The following EML4 variants were observed in gnomAD, a reference collection of about 807,000 sequenced individuals.
The protein encoded by EML4 is echinoderm microtubule-associated protein-like 4.
EML4 carries 72 observed loss-of-function variants against 129.0 expected under a neutral mutation model. That is an observed-to-expected ratio of 0.56 (90% CI 0.46 to 0.68). The LOEUF is 0.68. Among genes scored for constraint, EML4 ranks in the 30% least tolerant of loss-of-function variants. EML4 has a pLI of 0.00. For missense variants in EML4, 1,363 were observed against 1,190.6 expected, an observed-to-expected ratio of 1.14 and a Z score of -2.13; for synonymous variants, 532 against 405.0, an observed-to-expected ratio of 1.31 and a Z score of -3.77.
At chr2:42,322,616 C>T (rs1353023950) in intron 19 of EML4, among the ~76,000 whole-genome samples, 4 of 152,192 alleles carry the variant, frequency 2.6e-5, no homozygotes, top group Admixed American at 1.3e-4. Flanking sequence ...TTTGTGGTAA[C>T]GCCATATGGC....
chr2:42,317,473 C>T lies in EML4; in HGVS notation c.2103C>T (p.Leu701=). 6.2e-7 allele frequency: 1 copy of T among 1,613,004 alleles called. No homozygotes were observed. The highest frequency in any genetic ancestry group is 8.5e-7 in the Non-Finnish European group (1 of 1,179,368). ...GATCTCATGACAACTTTATTTACCT[C>T]TATGTAGTCTCTGAAAATGGAAGAA... ...AVGSHDNFIY[L]YVVSENGRKY... The change falls in exon 19 of 23, where the codon CTC becomes CTT. Residue 701 remains leucine, a synonymous_variant. Coordinates refer to ENST00000318522, the MANE Select transcript of EML4 (RefSeq NM_019063.5).
intron 1 of EML4, among the ~76,000 whole-genome samples, chr2:42,244,528 C>G (rs955402965): frequency 6.6e-6 from 1 of 152,198 alleles, no homozygotes; most frequent in Non-Finnish European, 1.5e-5. Flanking sequence ...AATAGTCTTT[C>G]TCTTGTTGCT....
intron 7 of EML4, among the ~76,000 whole-genome samples, chr2:42,281,883 T>G (rs1667031967): frequency 6.6e-6 from 1 of 152,178 alleles, no homozygotes; most frequent in African/African-American, 2.4e-5. Context: ...TCTCCTGCAC[T>G]TCCTCCCACG....
intron 1 of EML4, among the ~76,000 whole-genome samples, chr2:42,204,566 T>G (rs1672426625): frequency 6.6e-6 from 1 of 152,166 alleles, no homozygotes; most frequent in Non-Finnish European, 1.5e-5. Context: ...TCATGTAATG[T>G]TTATGTGTCT....
chr2:42,207,555 AT>A (rs1672633986), intron 1 of EML4, among the ~76,000 whole-genome samples: 1 of 152,206 alleles, frequency 6.6e-6, no homozygotes, highest in Non-Finnish European at 1.5e-5. Flanking sequence ...TTTGCTGTGA[AT>A]TGGAAAGCCA....
intron 1 of EML4, among the ~76,000 whole-genome samples, chr2:42,243,103 C>G (rs1675148138): frequency 6.6e-6 from 1 of 152,056 alleles, no homozygotes; most frequent in East Asian, 1.9e-4. Flanking sequence ...AATATTTATA[C>G]AACTGAAAAG....
At chr2:42,306,319 A>G (rs1003945959) in intron 17 of EML4, among the ~76,000 whole-genome samples, 3 of 152,094 alleles carry the variant, frequency 2.0e-5, no homozygotes, top group Non-Finnish European at 4.4e-5. Context: ...CACACAGGAA[A>G]CCATCTGAGG....
At chr2:42,281,266 G>T (rs1666989721) in intron 7 of EML4, among the ~76,000 whole-genome samples, 1 of 151,994 alleles carries the variant, frequency 6.6e-6, no homozygotes, top group South Asian at 2.1e-4. Context: ...GGTGGTGCAT[G>T]CCTGTAATCC....
chr2:42,239,153 G>A (rs765865457), intron 1 of EML4, among the ~76,000 whole-genome samples: 1 of 152,162 alleles, frequency 6.6e-6, no homozygotes, highest in African/African-American at 2.4e-5. Context: ...AATGAAGACT[G>A]AGTCACCAAG....
At chr2:42,264,757 T>C in intron 6 of EML4, 26 bp downstream of exon 6, 2 of 1,465,836 alleles carry the variant, frequency 1.4e-6, no homozygotes, top group Non-Finnish European at 1.9e-6. Flanking sequence ...TTTTAAAAAT[T>C]TTATTTTGCC....
At chr2:42,210,086 A>G (rs1340184594) in intron 1 of EML4, among the ~76,000 whole-genome samples, 1 of 152,226 alleles carries the variant, frequency 6.6e-6, no homozygotes, top group African/African-American at 2.4e-5. Context: ...ATGGTACATT[A>G]TAATTTAAAA....
chr2:42,196,285 T>TAAATAATAA (rs1671892078), intron 1 of EML4, among the ~76,000 whole-genome samples: 1 of 152,216 alleles, frequency 6.6e-6, no homozygotes. Context: ...TAAAAGGACA[T>TAAATAATAA]ATAAAAGTAT....
chr2:42,319,853 C>A (rs1249722728), intron 19 of EML4: 1 of 152,166 alleles, frequency 6.6e-6, no homozygotes, highest in Non-Finnish European at 1.5e-5. Flanking sequence ...AACTACTCAA[C>A]ATTTAGGTGA....
Position 42,169,387 on chromosome 2 carries a change from G to C in EML4, c.-225G>C, listed in dbSNP as rs535625965. On this transcript the variant is annotated 5_prime_UTR_variant, in exon 1 of 23. Transcript: ENST00000318522. Reference sequence around the variant, plus strand: ...GCGGCTGCTGCCTGGGAGGGAGGCCGGGCAGGCGGCTGAGCGGCGCGGCTC... The same window carrying C: ...GCGGCTGCTGCCTGGGAGGGAGGCCCGGCAGGCGGCTGAGCGGCGCGGCTC... The C allele has an allele frequency of 6.2e-6, 2 of 324,580 alleles. No individual in the cohort carries two copies. Among genetic ancestry groups the C allele is most frequent in the Non-Finnish European group, 1.1e-5 (2 of 178,606 alleles). 20.1% of individuals were successfully genotyped at this position (324,580 alleles called of 1,614,324 possible).
intron 1 of EML4, among the ~76,000 whole-genome samples, chr2:42,189,567 G>A (rs540655537): frequency 3.3e-5 from 5 of 152,316 alleles, no homozygotes; most frequent in Admixed American, 1.3e-4. Flanking sequence ...GTGACAGGGC[G>A]AGAACCTGTC....
At chr2:42,200,954 T>TG (rs1672196436) in intron 1 of EML4, among the ~76,000 whole-genome samples, 1 of 152,198 alleles carries the variant, frequency 6.6e-6, no homozygotes, top group Non-Finnish European at 1.5e-5. Context: ...GCCTGCTGTA[T>TG]TCTCCTAAGG....
intron 22 of EML4, among the ~76,000 whole-genome samples, chr2:42,329,457 C>G (rs1371441224): frequency 6.6e-6 from 1 of 152,144 alleles, no homozygotes; most frequent in Non-Finnish European, 1.5e-5. Flanking sequence ...AGTATACGAC[C>G]AACATCTAGA....
intron 1 of EML4, among the ~76,000 whole-genome samples, chr2:42,191,490 G>T (rs888681163): frequency 9.9e-5 from 15 of 152,200 alleles, no homozygotes; most frequent in African/African-American, 2.9e-4. Flanking sequence ...AAAGGGCAGG[G>T]TCATGTAGGA....
At chr2:42,329,574 A>C (rs1257827479) in intron 22 of EML4, among the ~76,000 whole-genome samples, 160 bp from the exon 23 acceptor site, 2 of 152,212 alleles carry the variant, frequency 1.3e-5, no homozygotes, top group Non-Finnish European at 2.9e-5. Context: ...AAAGGAAATA[A>C]CGGCTAGCCT....
Sources: allele counts gnomAD v4.1 joint callset (sites outside exome capture counted in the v4.1 genomes callset), GRCh38; gene constraint gnomAD v4.1.1; transcripts MANE v1.5; gene names NCBI Gene and HGNC (gene_info 2026-07-23, HGNC 2026-07-21).